Variants in FGF12 observed in about 807,000 individuals in gnomAD.
FGF12 encodes the protein fibroblast growth factor 12B.
In FGF12, 14 loss-of-function variants were observed where a neutral mutation model predicts 23.6. That is an observed-to-expected ratio of 0.59 (90% CI 0.39 to 0.93). The LOEUF (loss-of-function observed/expected upper bound fraction) is 0.93, where lower values mean the gene tolerates loss of function less well. Among genes scored for constraint, FGF12 ranks in the 40% least tolerant of loss-of-function variants. The pLI is 0.00. For missense variants in FGF12, 175 were observed against 217.8 expected (o/e 0.80, Z 1.24); for synonymous variants, 62 against 77.3 (o/e 0.80, Z 1.04).
At chr3:192,675,256 A>G (rs1717286618) in intron 2 of FGF12, among the ~76,000 whole-genome samples, 1 of 152,072 alleles carries the variant, frequency 6.6e-6, no homozygotes, top group Admixed American at 6.6e-5. Flanking sequence ...CAATTACGTG[A>G]AAGAGTGTGG....
chr3:192,519,330 TG>T (rs1724756738), intron 2 of FGF12, among the ~76,000 whole-genome samples: 1 of 152,230 alleles, frequency 6.6e-6, no homozygotes, highest in South Asian at 2.1e-4. Context: ...TCAAATATTT[TG>T]CGGAATGTCT....
In FGF12 at chr3:192,416,467, T is replaced by C. The variant is rs543087919; in HGVS notation, c.14-55929A>G. ...ATTGGTGAAAATAATAGGTTGAAAT[T>C]ATGGCACTGATTTGTGAAATGAGAA... is the stretch of plus-strand genomic sequence containing the variant. On this transcript the variant is annotated intron_variant, in intron 2 of 5. Transcript: ENST00000445105. Among the ~76,000 whole-genome samples the C allele has an allele frequency of 5.3e-5, 8 of 152,236 alleles. No individual in the cohort carries two copies. The South Asian group carries it at 1.7e-3, about 32-fold the overall frequency.
chr3:192,695,505 C>T (rs548334042), intron 2 of FGF12, among the ~76,000 whole-genome samples: 78 of 152,278 alleles, frequency 5.1e-4, no homozygotes, highest in Non-Finnish European at 4.4e-4. Context: ...TTTCCTATCA[C>T]CTACTCTGAT....
intron 4 of FGF12, among the ~76,000 whole-genome samples, chr3:192,178,568 G>A (rs780717904): frequency 5.9e-5 from 9 of 151,886 alleles, no homozygotes; most frequent in African/African-American, 1.2e-4. Flanking sequence ...GCACGATCTC[G>A]GCTCACTGCA....
At position 192,513,105 on chromosome 3, in the gene FGF12, C is replaced by G. The variant is rs561982932; in HGVS notation, c.14-152567G>C. On this transcript the variant is annotated intron_variant, in intron 2 of 5. Transcript: ENST00000445105. The stretch of plus-strand genomic sequence containing the variant: ...GACTGCCCTGTCTTCATTACATACC[C>G]TACACAGTTTTAAAATTTTCACCTC... Among the ~76,000 whole-genome samples the G allele has an allele frequency of 3.7e-3, 562 of 151,862 alleles. 5 individuals are homozygous for G. The highest frequency in any genetic ancestry group is 0.021 in the Middle Eastern group (6 of 292).
rs990791318 is a variant in FGF12, at chr3:192,157,200, G to A, written c.428-13073C>T. ...CTTGTGAGATAGACAGTAGTTACCAGGTGACCCAGCACAGTGAAGGTTTTG... is the reference window on the plus strand; with the variant it reads ...CTTGTGAGATAGACAGTAGTTACCAAGTGACCCAGCACAGTGAAGGTTTTG... On this transcript the variant is annotated intron_variant, in intron 5 of 5. Coordinates refer to ENST00000445105, the MANE Select transcript of FGF12 (RefSeq NM_004113.6). Among the ~76,000 whole-genome samples, 4 of 152,202 alleles carry A rather than the reference G, an allele frequency of 2.6e-5. No homozygotes were observed. In the East Asian group the frequency reaches 7.7e-4, roughly 29 times the overall value.
intron 4 of FGF12, among the ~76,000 whole-genome samples, chr3:192,329,580 G>C (rs943316454): frequency 6.6e-6 from 1 of 152,068 alleles, no homozygotes; most frequent in Non-Finnish European, 1.5e-5. Flanking sequence ...GAGGATGGTC[G>C]AGGGCTTACT....
intron 2 of FGF12, among the ~76,000 whole-genome samples, chr3:192,439,709 G>A (rs761770781): frequency 8.5e-5 from 13 of 152,150 alleles, no homozygotes; most frequent in Non-Finnish European, 1.6e-4. Context: ...AGGCGTGGTG[G>A]CTCACGCCTG....
At chr3:192,214,688 T>C (rs967013406) in intron 4 of FGF12, among the ~76,000 whole-genome samples, 2 of 152,216 alleles carry the variant, frequency 1.3e-5, no homozygotes, top group Admixed American at 1.3e-4. Flanking sequence ...ATGTTAAAAG[T>C]TGTTAAAAAT....
At chr3:192,523,895 C>T (rs763745866) in intron 2 of FGF12, among the ~76,000 whole-genome samples, 3 of 152,090 alleles carry the variant, frequency 2.0e-5, no homozygotes, top group Non-Finnish European at 4.4e-5. Context: ...CATGTAAAAC[C>T]ACATAGCAGT....
At chr3:192,246,420 T>C (rs1453263738) in intron 4 of FGF12, among the ~76,000 whole-genome samples, 1 of 152,196 alleles carries the variant, frequency 6.6e-6, no homozygotes, top group Non-Finnish European at 1.5e-5. Flanking sequence ...TGTAGATAGA[T>C]ATACACTTTC....
intron 2 of FGF12, among the ~76,000 whole-genome samples, chr3:192,495,155 G>T (rs2366688): frequency 0.82 from 125,056 of 152,160 alleles, 52,279 homozygotes; most frequent in Non-Finnish European, 0.9. Flanking sequence ...CACTGCACCT[G>T]GCCACTAACA....
chr3:192,667,607 TAA>T (rs59867848), intron 2 of FGF12, among the ~76,000 whole-genome samples: 9,266 of 75,812 alleles, frequency 0.12, 545 homozygotes, highest in Middle Eastern at 0.22. Flanking sequence ...CGAGACTCCG[TAA>T]AAAAAAAAAA....
intron 2 of FGF12, among the ~76,000 whole-genome samples, chr3:192,530,403 T>A (rs987236269): frequency 2.6e-5 from 4 of 152,202 alleles, no homozygotes; most frequent in African/African-American, 9.7e-5. Flanking sequence ...TTAAAAATTG[T>A]GGTAATGATA....
At chr3:192,410,252 TTC>T (rs1721155143) in intron 2 of FGF12, among the ~76,000 whole-genome samples, 1 of 152,140 alleles carries the variant, frequency 6.6e-6, no homozygotes, top group Non-Finnish European at 1.5e-5. Flanking sequence ...CCAGACTCCC[TTC>T]TTTCCTCCCT....
At chr3:192,160,256 C>G (rs1051361026) in intron 5 of FGF12, among the ~76,000 whole-genome samples, 1 of 152,126 alleles carries the variant, frequency 6.6e-6, no homozygotes, top group Non-Finnish European at 1.5e-5. Context: ...ACCATAAAAT[C>G]TAAAGTCCTG....
chr3:192,364,789 T>C (rs904273365), intron 2 of FGF12, among the ~76,000 whole-genome samples: 3 of 150,916 alleles, frequency 2.0e-5, no homozygotes, highest in African/African-American at 4.8e-5. Context: ...TAAACTTCCA[T>C]TGGCTGTGCA....
chr3:192,534,581 G>A (rs1247600854), intron 2 of FGF12, among the ~76,000 whole-genome samples: 2 of 151,998 alleles, frequency 1.3e-5, no homozygotes, highest in African/African-American at 4.8e-5. Context: ...TAGAAAAGAT[G>A]GGGTTTTGTG....
intron 2 of FGF12, among the ~76,000 whole-genome samples, chr3:192,583,108 T>A (rs1713229289): frequency 2.0e-5 from 3 of 152,192 alleles, no homozygotes; most frequent in African/African-American, 7.2e-5. Flanking sequence ...ATTTCTCCAG[T>A]TTCCAAATCT....
Sources: allele counts gnomAD v4.1 joint callset (sites outside exome capture counted in the v4.1 genomes callset), GRCh38; gene constraint gnomAD v4.1.1; transcripts MANE v1.5; gene names NCBI Gene and HGNC (gene_info 2026-07-23, HGNC 2026-07-21).